BRD4: variants seen among roughly 807,000 people sequenced by gnomAD.
BRD4 encodes the protein bromodomain containing 4.
Under a neutral mutation model 142.1 loss-of-function variants are expected in BRD4, and 16 were observed. The observed-to-expected ratio is 0.11, with a 90% CI of 0.08 to 0.17. BRD4 has a LOEUF of 0.17. BRD4 is among the 10% of genes least tolerant of loss of function. The probability of loss-of-function intolerance (pLI) is 1.00; values close to 1 mark genes in which losing one functional copy is unlikely to be tolerated. For synonymous variants in BRD4, 833 were observed against 707.5 expected (o/e 1.18, Z -2.82); for missense variants, 1,424 against 1,810.9 (o/e 0.79, Z 3.88).
chr19:15,236,399 G>A lies in BRD4; in HGVS notation c.*1978C>T, dbSNP rs1159677088. ...TGAGGATCCTATTTTGGGGGATGTA[G>A]ACTTATATCTAAGAGTATCTGGTTA... On this transcript the variant is annotated 3_prime_UTR_variant, in exon 20 of 20. Coordinates refer to ENST00000679869, the MANE Select transcript of BRD4 (RefSeq NM_001379291.1). 1 of 151,954 alleles carries A rather than the reference G, an allele frequency of 6.6e-6. No homozygotes were observed. The highest frequency in any genetic ancestry group is 1.5e-5 in the Non-Finnish European group (1 of 68,048). 9.4% of individuals were successfully genotyped at this position (151,954 alleles called of 1,614,324 possible).
intron 1 of BRD4, among the ~76,000 whole-genome samples, chr19:15,301,618 T>TTGGGAAGCCGAGGTGGACAGATCACGAGG (rs1255235789): frequency 1.3e-5 from 2 of 150,126 alleles, no homozygotes; most frequent in African/African-American, 4.9e-5. Flanking sequence ...TCCCAGCACT[T>TTGGGAAGCCGAGGTGGACAGATCACGAGG]TGGGAAGCCG....
chr19:15,288,600 A>C (rs988597120), intron 1 of BRD4, among the ~76,000 whole-genome samples: 6 of 152,218 alleles, frequency 3.9e-5, no homozygotes, highest in Non-Finnish European at 7.3e-5. Context: ...TGCAGAGCAC[A>C]GAACAGCTTC....
At chr19:15,269,519 C>G (rs750188453) in intron 2 of BRD4, among the ~76,000 whole-genome samples, 7 of 152,102 alleles carry the variant, frequency 4.6e-5, no homozygotes, top group Non-Finnish European at 8.8e-5. Context: ...AACCCTTGAC[C>G]CTGGCACTCC....
In BRD4 at chr19:15,259,085, C is replaced by T. The variant is rs548707598; in HGVS notation, c.1342-1912G>A. On this transcript the variant is annotated intron_variant, in intron 7 of 19. Coordinates refer to ENST00000679869, the MANE Select transcript of BRD4 (RefSeq NM_001379291.1). ...AGACAGATCCCTAGCCCTGCAGCAC[C>T]CGGCTACGTGGCAGGTGGGTAGTGC... 9.2e-5 allele frequency among the ~76,000 whole-genome samples: 14 copies of T among 151,738 alleles called. No homozygotes were observed. In the South Asian group the frequency reaches 1.5e-3, roughly 16 times the overall value.
chr19:15,299,609 G>A (rs2145684603), intron 1 of BRD4, among the ~76,000 whole-genome samples: 1 of 152,258 alleles, frequency 6.6e-6, no homozygotes, highest in East Asian at 1.9e-4. Flanking sequence ...CTCTCAATAT[G>A]GACACATGTA....
intron 7 of BRD4, among the ~76,000 whole-genome samples, chr19:15,259,018 T>C (rs2047441552): frequency 6.6e-6 from 1 of 151,662 alleles, no homozygotes; most frequent in African/African-American, 2.4e-5. Context: ...GAGGAAAAGG[T>C]GGGGGGCTTC....
At chr19:15,279,641 C>T (rs575426837) in intron 1 of BRD4, among the ~76,000 whole-genome samples, 2 of 152,292 alleles carry the variant, frequency 1.3e-5, no homozygotes, top group South Asian at 4.1e-4. Context: ...ACATGCAGGG[C>T]AGGCTTAGTT....
intron 1 of BRD4, among the ~76,000 whole-genome samples, chr19:15,328,039 T>C (rs1486058373): frequency 6.6e-6 from 1 of 152,076 alleles, no homozygotes; most frequent in Non-Finnish European, 1.5e-5. Context: ...AGCTATTATT[T>C]TCTTAAAAAG....
intron 1 of BRD4, among the ~76,000 whole-genome samples, chr19:15,276,527 G>A (rs963280725): frequency 6.6e-6 from 1 of 152,046 alleles, no homozygotes; most frequent in Admixed American, 6.6e-5. Context: ...CTGGCCCATA[G>A]CATCTGGTGC....
intron 1 of BRD4, among the ~76,000 whole-genome samples, chr19:15,296,340 A>T (rs901321967): frequency 3.9e-5 from 6 of 152,228 alleles, no homozygotes; most frequent in Admixed American, 3.9e-4. Flanking sequence ...TTTATATACC[A>T]GTAATGCACA....
chr19:15,303,762 T>C (rs1344886537), intron 1 of BRD4, among the ~76,000 whole-genome samples: 1 of 152,214 alleles, frequency 6.6e-6, no homozygotes, highest in Non-Finnish European at 1.5e-5. Context: ...ACTTTAACTG[T>C]AATGCGATAA....
chr19:15,304,464 A>C (rs1019617483), intron 1 of BRD4, among the ~76,000 whole-genome samples: 20 of 152,176 alleles, frequency 1.3e-4, no homozygotes, highest in African/African-American at 4.8e-5. Flanking sequence ...CAGATATCAC[A>C]TGAAATCAGC....
intron 7 of BRD4, among the ~76,000 whole-genome samples, chr19:15,259,021 G>C (rs1017167369): frequency 3.3e-5 from 5 of 152,158 alleles, no homozygotes; most frequent in African/African-American, 9.7e-5. Flanking sequence ...GAAAAGGTGG[G>C]GGGCTTCACA....
At chr19:15,311,933 GA>G (rs1363990689) in intron 1 of BRD4, among the ~76,000 whole-genome samples, 1 of 152,234 alleles carries the variant, frequency 6.6e-6, no homozygotes, top group Admixed American at 6.5e-5. Context: ...GAGAAAGAAG[GA>G]AAAGGAAGTT....
chr19:15,301,942 G>A (rs2047872148), intron 1 of BRD4, among the ~76,000 whole-genome samples: 1 of 151,432 alleles, frequency 6.6e-6, no homozygotes, highest in South Asian at 2.1e-4. Context: ...TGAGGCAGGA[G>A]TATCATTTGA....
chr19:15,255,517 A>G lies in BRD4; in HGVS notation c.1827T>C (p.Pro609=). 1 of 1,614,094 alleles carries G rather than the reference A, an allele frequency of 6.2e-7. No homozygotes were observed. Among genetic ancestry groups the G allele is most frequent in the Non-Finnish European group, 8.5e-7 (1 of 1,179,976 alleles). Residue 609 remains proline (P), a synonymous_variant, in exon 10 of 20, where the codon CCT becomes CCC. Transcript: ENST00000679869. ...GCTGCCGCTTCTCCTCATAGGACAT[A>G]GGCTTGCACTTGTCCTCTTCCTCCG... ...YESEEEDKCK[P]MSYEEKRQLS...
At chr19:15,294,619 G>T (rs1249593641) in intron 1 of BRD4, among the ~76,000 whole-genome samples, 1 of 152,230 alleles carries the variant, frequency 6.6e-6, no homozygotes, top group East Asian at 1.9e-4. Flanking sequence ...GCAGCCAACA[G>T]CTCAGGAGAG....
rs576138115 is a variant in BRD4, at chr19:15,290,472, TGAAAAA to T, written c.-34-17345_-34-17340del. On this transcript the variant is annotated intron_variant, in intron 1 of 19. Transcript: ENST00000679869. ...AGGTGAAGAAATGCATCACGAGTACTGAAAAAGAAAAACTCTCATCAAATCCAGTAC... is the reference window on the plus strand; with the variant it reads ...AGGTGAAGAAATGCATCACGAGTACTGAAAAACTCTCATCAAATCCAGTAC... Among the ~76,000 whole-genome samples, 215 of 152,242 alleles carry T rather than the reference TGAAAAA, an allele frequency of 1.4e-3. 2 individuals carry two copies. Among genetic ancestry groups the T allele is most frequent in the Non-Finnish European group, 2.3e-3 (159 of 68,010 alleles).
chr19:15,269,556 C>T (rs1015921782), intron 2 of BRD4, among the ~76,000 whole-genome samples: 1 of 152,138 alleles, frequency 6.6e-6, no homozygotes, highest in South Asian at 2.1e-4. Flanking sequence ...TGAAGAGCTG[C>T]GGAGCATAAG....
Sources: allele counts gnomAD v4.1 joint callset (sites outside exome capture counted in the v4.1 genomes callset), GRCh38; gene constraint gnomAD v4.1.1; transcripts MANE v1.5; gene names NCBI Gene and HGNC (gene_info 2026-07-23, HGNC 2026-07-21).